Variants in CSMD1 observed in about 807,000 individuals in gnomAD.
CSMD1 encodes CUB and Sushi multiple domains 1, also known as CUB and sushi domain-containing protein 1.
CSMD1 carries 213 observed loss-of-function variants against 417.5 expected under a neutral mutation model. The observed-to-expected ratio is 0.51, with a 90% CI of 0.46 to 0.57. The LOEUF (loss-of-function observed/expected upper bound fraction) is 0.57, where lower values mean the gene tolerates loss of function less well. Among genes scored for constraint, CSMD1 ranks in the 20% least tolerant of loss-of-function variants. The pLI is 0.00. For synonymous variants in CSMD1, 2,862 were observed against 1,736.8 expected (o/e 1.65, Z -16.11); for missense variants, 6,923 against 4,529.7 (o/e 1.53, Z -15.17).
In CSMD1 at chr8:3,084,351, C is replaced by G. The variant is rs7825641; in HGVS notation, c.7474+2746G>C. On this transcript the variant is annotated intron_variant, in intron 49 of 69. Coordinates refer to ENST00000635120, the MANE Select transcript of CSMD1 (RefSeq NM_033225.6). ...CCAGCCCGAGCAACATGGTGAAACT[C>G]CATCTCTACTAAATACAAAAAATTA... 2.5e-3 allele frequency among the ~76,000 whole-genome samples: 372 copies of G among 151,570 alleles called. 3 individuals are homozygous for G. Among genetic ancestry groups the G allele is most frequent in the African/African-American group, 8.6e-3 (355 of 41,318 alleles).
chr8:3,798,288 T>A (rs942814711), intron 5 of CSMD1, among the ~76,000 whole-genome samples: 1 of 152,072 alleles, frequency 6.6e-6, no homozygotes, highest in Non-Finnish European at 1.5e-5. Context: ...TCAATGTTAT[T>A]TCCTCTTAGG....
chr8:3,901,777 C>T (rs571094958), intron 5 of CSMD1, among the ~76,000 whole-genome samples: 13 of 152,260 alleles, frequency 8.5e-5, no homozygotes, highest in Admixed American at 2.0e-4. Context: ...TAATTTCTGG[C>T]GTCAAAGTGT....
intron 3 of CSMD1, among the ~76,000 whole-genome samples, chr8:4,138,489 T>A (rs991987324): frequency 6.6e-6 from 1 of 152,040 alleles, no homozygotes; most frequent in Non-Finnish European, 1.5e-5. Context: ...CTTCATTCCA[T>A]CCACTAAAAA....
intron 3 of CSMD1, among the ~76,000 whole-genome samples, chr8:4,047,180 C>G (rs961128785): frequency 2.0e-5 from 3 of 152,176 alleles, no homozygotes; most frequent in African/African-American, 7.2e-5. Context: ...CTGACCTGTG[C>G]TGGGCCAGAT....
chr8:3,528,899 G>C (rs966190266), intron 10 of CSMD1, among the ~76,000 whole-genome samples: 1 of 152,110 alleles, frequency 6.6e-6, no homozygotes, highest in African/African-American at 2.4e-5. Flanking sequence ...CATTTCATTT[G>C]CATTTATCTG....
rs73660310 is a variant in CSMD1 at position 3,580,856 on chromosome 8, G to A, written c.1222+5280C>T. On this transcript the variant is annotated intron_variant, in intron 9 of 69. Transcript: ENST00000635120. ...TCTTTAAAAGGTCATTTCTACAAGGGCAGAAAACACCAATGGAAAAGAAAA... is the reference window on the plus strand; with the variant it reads ...TCTTTAAAAGGTCATTTCTACAAGGACAGAAAACACCAATGGAAAAGAAAA... Among the ~76,000 whole-genome samples, 1,080 of 152,200 alleles carry A rather than the reference G, an allele frequency of 7.1e-3. 15 individuals are homozygous for A. Among genetic ancestry groups the A allele is most frequent in the African/African-American group, 0.025 (1,035 of 41,544 alleles).
At chr8:3,953,569 G>C (rs1476633420) in intron 5 of CSMD1, among the ~76,000 whole-genome samples, 6 of 152,220 alleles carry the variant, frequency 3.9e-5, no homozygotes, top group Middle Eastern at 6.8e-3. Context: ...CCCTGGGATA[G>C]ATAATTGGAG....
intron 5 of CSMD1, among the ~76,000 whole-genome samples, chr8:3,846,851 A>T (rs4311674): frequency 0.29 from 43,510 of 151,770 alleles, 6,358 homozygotes; most frequent in African/African-American, 0.36. Context: ...TTTTTTGTAT[A>T]TTTAGTGCAG....
At chr8:3,964,240 T>C (rs1427643698) in intron 5 of CSMD1, among the ~76,000 whole-genome samples, 1 of 152,236 alleles carries the variant, frequency 6.6e-6, no homozygotes, top group Non-Finnish European at 1.5e-5. Flanking sequence ...TAAATTATAC[T>C]TTTTGTGGCT....
intron 2 of CSMD1, among the ~76,000 whole-genome samples, chr8:4,485,410 C>T (rs1259489478): frequency 6.6e-6 from 1 of 152,144 alleles, no homozygotes. Context: ...GCCTGATAAA[C>T]TGACTCTCAC....
intron 5 of CSMD1, among the ~76,000 whole-genome samples, chr8:3,783,076 C>T (rs1029038559): frequency 6.6e-6 from 1 of 152,152 alleles, no homozygotes; most frequent in African/African-American, 2.4e-5. Flanking sequence ...AAGTCCCCAT[C>T]TCCCCATCCC....
intron 3 of CSMD1, among the ~76,000 whole-genome samples, chr8:4,034,133 T>A (rs1328173373): frequency 1.3e-5 from 2 of 152,226 alleles, no homozygotes; most frequent in South Asian, 4.1e-4. Context: ...TTCTGTTTTA[T>A]TAGTTTTTAA....
intron 33 of CSMD1, among the ~76,000 whole-genome samples, chr8:3,197,254 C>T (rs1340298941): frequency 6.6e-6 from 1 of 152,030 alleles, no homozygotes; most frequent in Non-Finnish European, 1.5e-5. Context: ...TTTTTGCACA[C>T]TGATGCTGTT....
At chr8:4,860,097 T>A (rs1463827408) in intron 1 of CSMD1, among the ~76,000 whole-genome samples, 1 of 151,952 alleles carries the variant, frequency 6.6e-6, no homozygotes, top group East Asian at 1.9e-4. Context: ...AATGATGAGT[T>A]CACGTCCTTT....
At chr8:4,571,751 T>C (rs1006046536) in intron 2 of CSMD1, among the ~76,000 whole-genome samples, 2 of 152,194 alleles carry the variant, frequency 1.3e-5, no homozygotes, top group African/African-American at 2.4e-5. Flanking sequence ...ACTATTATTG[T>C]GTGGGAGTCT....
At chr8:4,177,957 G>GT (rs1173084213) in intron 3 of CSMD1, among the ~76,000 whole-genome samples, 10 of 152,222 alleles carry the variant, frequency 6.6e-5, no homozygotes, top group Non-Finnish European at 1.5e-4. Flanking sequence ...CAACCAAAAA[G>GT]AGTCCAGGAT....
At chr8:4,212,624 C>G (rs971887099) in intron 3 of CSMD1, among the ~76,000 whole-genome samples, 5 of 151,852 alleles carry the variant, frequency 3.3e-5, no homozygotes, top group Non-Finnish European at 5.9e-5. Context: ...ATGATCCTGT[C>G]TACTACTGCC....
chr8:3,766,433 G>C (rs1295129986), intron 5 of CSMD1, among the ~76,000 whole-genome samples: 1 of 152,070 alleles, frequency 6.6e-6, no homozygotes, highest in Non-Finnish European at 1.5e-5. Flanking sequence ...CTGGTACCTG[G>C]GTTACTACTG....
chr8:4,527,913 C>T (rs1057405323), intron 2 of CSMD1, among the ~76,000 whole-genome samples: 3 of 152,130 alleles, frequency 2.0e-5, no homozygotes, highest in Non-Finnish European at 2.9e-5. Context: ...ACCTACAGGG[C>T]GTGCCTGCTT....
Sources: allele counts gnomAD v4.1 joint callset (sites outside exome capture counted in the v4.1 genomes callset), GRCh38; gene constraint gnomAD v4.1.1; transcripts MANE v1.5; gene names NCBI Gene and HGNC (gene_info 2026-07-23, HGNC 2026-07-21).